Variants in INO80 observed in about 807,000 individuals in gnomAD.
INO80 encodes INO80 complex ATPase subunit, also known as chromatin-remodeling ATPase INO80.
A neutral mutation model predicts 203.4 loss-of-function variants in INO80; 20 were observed. The ratio of observed to expected loss-of-function variants is 0.10; its 90% CI spans 0.07 to 0.14. The LOEUF is 0.14. Ranked by LOEUF, INO80 falls within the 10% of genes least tolerant of loss-of-function variation. The pLI is 1.00. For synonymous variants in INO80, 726 were observed against 685.2 expected, an observed-to-expected ratio of 1.06 and a Z score of -0.93; for missense variants, 1,419 against 1,914.4, an observed-to-expected ratio of 0.74 and a Z score of 4.83.
intron 28 of INO80, among the ~76,000 whole-genome samples, chr15:41,004,045 AT>A (rs1186306617): frequency 2.6e-5 from 4 of 152,064 alleles, no homozygotes; most frequent in South Asian, 2.1e-4. Flanking sequence ...TCACCCAGTA[AT>A]TTTTTTTCCT....
chr15:41,058,372 C>T (rs987090986), intron 16 of INO80, among the ~76,000 whole-genome samples: 10 of 151,858 alleles, frequency 6.6e-5, no homozygotes, highest in East Asian at 1.9e-4. Context: ...TATTTAAAAC[C>T]TCTCATATAT....
At chr15:41,110,720 C>T (rs753905487) in intron 1 of INO80, among the ~76,000 whole-genome samples, 16 of 152,130 alleles carry the variant, frequency 1.1e-4, no homozygotes, top group Non-Finnish European at 1.6e-4. Context: ...TGTGAGCTAC[C>T]ATGAAGGTCT....
At chr15:41,062,358 C>G (rs2045127607) in intron 14 of INO80, among the ~76,000 whole-genome samples, 1 of 151,862 alleles carries the variant, frequency 6.6e-6, no homozygotes, top group Admixed American at 6.6e-5. Context: ...TCTCAGCACT[C>G]TGGGAGGCTG....
chr15:40,980,658 C>T (rs141602570), intron 35 of INO80, among the ~76,000 whole-genome samples: 495 of 152,236 alleles, frequency 3.3e-3, no homozygotes, highest in Non-Finnish European at 4.1e-3. Context: ...ATGATACCTA[C>T]CCAACCCTCT....
chr15:41,108,093 A>T (rs867546259), intron 1 of INO80, among the ~76,000 whole-genome samples: 3 of 151,956 alleles, frequency 2.0e-5, no homozygotes, highest in Non-Finnish European at 4.4e-5. Context: ...GAGCAATACT[A>T]TGTCTCAAAA....
chr15:41,031,555 A>AAGGGAGAAAGGGAGGAAGGG (rs2044466143), intron 24 of INO80, among the ~76,000 whole-genome samples: 1 of 612 alleles, frequency 1.6e-3, no homozygotes, highest in Non-Finnish European at 9.4e-3. Flanking sequence ...AGGAGGGAGG[A>AAGGGAGAAAGGGAGGAAGGG]AGGGAGGAAG....
intron 19 of INO80, among the ~76,000 whole-genome samples, chr15:41,051,127 T>TAAAAAAAAAAAAAAA (rs2044862037): frequency 2.8e-5 from 1 of 35,748 alleles, no homozygotes; most frequent in Non-Finnish European, 5.1e-5. Flanking sequence ...AGACTCCATC[T>TAAAAAAAAAAAAAAA]CAAAAAAAAA....
intron 9 of INO80, among the ~76,000 whole-genome samples, chr15:41,077,523 G>A (rs1046911234): frequency 6.6e-6 from 1 of 152,128 alleles, no homozygotes; most frequent in African/African-American, 2.4e-5. Flanking sequence ...TTGTCTTCAT[G>A]AATGTTCATG....
intron 1 of INO80, among the ~76,000 whole-genome samples, chr15:41,112,636 A>G (rs530650409): frequency 6.6e-5 from 10 of 151,668 alleles, no homozygotes; most frequent in African/African-American, 2.4e-4. Context: ...AAAAATACAA[A>G]AATTAGCCAG....
chr15:41,072,983 G>A (rs1194472861), intron 11 of INO80, among the ~76,000 whole-genome samples: 1 of 151,904 alleles, frequency 6.6e-6, no homozygotes, highest in Non-Finnish European at 1.5e-5. Context: ...GTTTCACCGT[G>A]TTAGCCTGGA....
Position 40,982,346 on chromosome 15 carries a change from C to A in INO80, c.4453+516G>T, listed in dbSNP as rs181214717. On this transcript the variant is annotated intron_variant, in intron 35 of 35. Transcript: ENST00000648947. Reference sequence around the variant, plus strand: ...TGTTTTTTGGTAGAGACAGGGTTTCCTCATGTTGGCCAGGCTGGTCTCGAA... The same window carrying A: ...TGTTTTTTGGTAGAGACAGGGTTTCATCATGTTGGCCAGGCTGGTCTCGAA... 2.7e-3 allele frequency among the ~76,000 whole-genome samples: 413 copies of A among 152,190 alleles called. 3 individuals carry two copies. The highest frequency in any genetic ancestry group is 0.013 in the South Asian group (65 of 4,824).
intron 26 of INO80, chr15:41,019,440 C>G (rs1373986389): frequency 6.6e-6 from 1 of 152,170 alleles, no homozygotes; most frequent in Non-Finnish European, 1.5e-5. Context: ...GCTATTTAAA[C>G]AAGGTCCATT....
Position 41,087,554 on chromosome 15 carries a change from A to G in INO80, c.658+8T>C. ...GAATATACGTGGAAGGCAGTTCAAC[A>G]TGCTCACCTTTAAGTTTCTTTTCCT... On this transcript the variant is annotated splice_region_variant and intron_variant, in intron 6 of 35. Coordinates refer to ENST00000648947, the MANE Select transcript of INO80 (RefSeq NM_017553.3). 1 of 1,613,518 alleles carries G rather than the reference A, an allele frequency of 6.2e-7. No homozygotes were observed. Among genetic ancestry groups the G allele is most frequent in the Non-Finnish European group, 8.5e-7 (1 of 1,179,870 alleles).
rs752372267 is a variant in INO80, at chr15:41,070,553, GA to G, written c.1606-7del. On this transcript the variant is annotated splice_region_variant and splice_polypyrimidine_tract_variant and intron_variant, in intron 12 of 35. Coordinates refer to ENST00000648947, the MANE Select transcript of INO80 (RefSeq NM_017553.3). ...GCAAGAATGCCATTAATACCCTGGGGAAAAAAAATACATGGTCAACACCTCA... is the reference window on the plus strand; with the variant it reads ...GCAAGAATGCCATTAATACCCTGGGGAAAAAAATACATGGTCAACACCTCA... 20 of 1,608,086 alleles carry G rather than the reference GA, an allele frequency of 1.2e-5. No individual in the cohort carries two copies. Among genetic ancestry groups the G allele is most frequent in the Admixed American group, 1.7e-5 (1 of 59,744 alleles).
chr15:41,011,722 T>TCA (rs1024297523), intron 27 of INO80: 7 of 152,190 alleles, frequency 4.6e-5, no homozygotes, highest in African/African-American at 1.7e-4. Flanking sequence ...ATCTTCAGAA[T>TCA]CACAGCTTCC....
chr15:41,009,782 A>G (rs1329490858), intron 27 of INO80, among the ~76,000 whole-genome samples: 1 of 151,946 alleles, frequency 6.6e-6, no homozygotes, highest in African/African-American at 2.4e-5. Context: ...AAATTTTTAT[A>G]GAGATGGGGG....
chr15:41,071,655 TTCACCATG>T (rs199778564), intron 12 of INO80, among the ~76,000 whole-genome samples, 186 bp downstream of exon 12: 4,292 of 151,842 alleles, frequency 0.028, 198 homozygotes, highest in African/African-American at 0.098. Context: ...GAGATGGGGT[TTCACCATG>T]TTGGTCAGGC....
In INO80 at chr15:41,062,260, T is replaced by A. The variant is rs1262380646; in HGVS notation, c.1783-2334A>T. Reference sequence around the variant, plus strand: ...TAGTAACTCTTAATTTATATTATTATTATTTTTTAAGTCAAGAAGGCAAGT... The same window carrying A: ...TAGTAACTCTTAATTTATATTATTAATATTTTTTAAGTCAAGAAGGCAAGT... On this transcript the variant is annotated intron_variant, in intron 14 of 35. Coordinates refer to ENST00000648947, the MANE Select transcript of INO80 (RefSeq NM_017553.3). Among the ~76,000 whole-genome samples the A allele has an allele frequency of 2.0e-5, 3 of 152,150 alleles. No homozygotes were observed. In the East Asian group the frequency reaches 5.8e-4, roughly 29 times the overall value.
rs1893888931 is a variant in INO80 at position 40,982,989 on chromosome 15, T to A, written c.4326A>T (p.Lys1442Asn). Residue 1442 changes from lysine to asparagine, a missense_variant, in exon 35 of 36, where the codon AAA becomes AAT. This residue lies in a region of INO80 where 214 missense variants were observed against 248.9 expected (regional missense o/e 0.86). Transcript: ENST00000648947. ...TTCGGCTCCGGCCCTTCCCTGCTCC[T>A]TTGGCTGTGCTTCCTGAACCTTTGG... Reference protein sequence around the residue: ...GRPKGSGSTAKGAGKGRSRKS... With the variant: ...GRPKGSGSTANGAGKGRSRKS... The A allele has an allele frequency of 6.2e-7, 1 of 1,614,044 alleles. No individual in the cohort carries two copies. Among genetic ancestry groups the A allele is most frequent in the Admixed American group, 1.7e-5 (1 of 60,000 alleles).
Sources: allele counts gnomAD v4.1 joint callset (sites outside exome capture counted in the v4.1 genomes callset), GRCh38; gene constraint gnomAD v4.1.1; regional missense constraint gnomAD v4.1.1; transcripts MANE v1.5; gene names NCBI Gene and HGNC (gene_info 2026-07-23, HGNC 2026-07-21).